VAV2: variants seen among roughly 807,000 people sequenced by gnomAD.
VAV2 encodes the protein guanine nucleotide exchange factor VAV2.
Under a neutral mutation model 132.5 loss-of-function variants are expected in VAV2, and 67 were observed. The ratio of observed to expected loss-of-function variants is 0.51; its 90% CI spans 0.42 to 0.62. The LOEUF (loss-of-function observed/expected upper bound fraction) is 0.62, where lower values mean the gene tolerates loss of function less well. Ranked by LOEUF, VAV2 falls within the 20% of genes least tolerant of loss-of-function variation. The pLI, the probability that VAV2 is intolerant of heterozygous loss-of-function variation, is 0.00. For missense variants in VAV2, 938 were observed against 1,153.6 expected, an observed-to-expected ratio of 0.81 and a Z score of 2.71; for synonymous variants, 492 against 443.5, an observed-to-expected ratio of 1.11 and a Z score of -1.37.
At chr9:133,784,165 G>T in intron 18 of VAV2, 152 bp downstream of exon 18, 1 of 804,542 alleles carries the variant, frequency 1.2e-6, no homozygotes, top group Non-Finnish European at 2.0e-6. Flanking sequence ...GAGCCACCAT[G>T]CCTGGCACGG....
At position 133,992,252 on chromosome 9, in the gene VAV2, G is replaced by A; in HGVS notation, c.27C>T (p.Arg9=). MEQWRQCG[R]WLIDCKVLPP... ...GCAGGACCTTGCAATCGATGAGCCA[G>A]CGGCCGCACTGCCGCCACTGCTCCA... Residue 9 remains arginine (R), a synonymous_variant, in exon 1 of 30, where the codon CGC becomes CGT. Transcript: ENST00000371850. The surrounding 1 kb of genome is among the most constrained non-coding windows in gnomAD (Gnocchi z 5.5). The A allele has an allele frequency of 6.4e-7, 1 of 1,574,616 alleles. No homozygotes were observed. The highest frequency in any genetic ancestry group is 1.8e-5 in the Admixed American group (1 of 56,188).
chr9:133,802,696 C>A lies in VAV2; in HGVS notation c.836+3385G>T, dbSNP rs72762838. Reference sequence around the variant, plus strand: ...CAAATTCTGAACCCACCACACGGTGCACAAATGCCTCCTCCAGAGATGCCT... The same window carrying A: ...CAAATTCTGAACCCACCACACGGTGAACAAATGCCTCCTCCAGAGATGCCT... On this transcript the variant is annotated intron_variant, in intron 9 of 29. Coordinates refer to ENST00000371850, the MANE Select transcript of VAV2 (RefSeq NM_001134398.2). The surrounding 1 kb of genome is among the most constrained non-coding windows in gnomAD (Gnocchi z 5.8). 0.011 allele frequency among the ~76,000 whole-genome samples: 1,637 copies of A among 152,288 alleles called. 12 individuals carry two copies. Among genetic ancestry groups the A allele is most frequent in the Middle Eastern group, 0.041 (12 of 294 alleles).
chr9:133,783,309 C>T (rs527460168), intron 19 of VAV2, among the ~76,000 whole-genome samples, 194 bp downstream of exon 19: 14 of 152,108 alleles, frequency 9.2e-5, no homozygotes, highest in Non-Finnish European at 1.3e-4. Flanking sequence ...GAATTCATCC[C>T]GGCTGTGTCT....
At position 133,833,077 on chromosome 9, in the gene VAV2, C is replaced by A. The variant is rs1836325112; in HGVS notation, c.449+1195G>T. Among the ~76,000 whole-genome samples the A allele has an allele frequency of 6.6e-6, 1 of 152,168 alleles. No individual in the cohort carries two copies. The highest frequency in any genetic ancestry group is 2.4e-5 in the African/African-American group (1 of 41,442). On this transcript the variant is annotated intron_variant, in intron 4 of 29. Coordinates refer to ENST00000371850, the MANE Select transcript of VAV2 (RefSeq NM_001134398.2). The surrounding 1 kb of genome is among the most constrained non-coding windows in gnomAD (Gnocchi z 5.6). ...ATTTGCCAAGGACCCCGTGGCCAGCCCAGCATCAAAGGGATGGGCTGGTGG... is the reference window on the plus strand; with the variant it reads ...ATTTGCCAAGGACCCCGTGGCCAGCACAGCATCAAAGGGATGGGCTGGTGG...
chr9:133,804,803 C>A lies in VAV2; in HGVS notation c.836+1278G>T, dbSNP rs1835070418. Among the ~76,000 whole-genome samples the A allele has an allele frequency of 6.6e-6, 1 of 152,178 alleles. No individual in the cohort carries two copies. The highest frequency in any genetic ancestry group is 2.1e-4 in the South Asian group (1 of 4,830). On this transcript the variant is annotated intron_variant, in intron 9 of 29. Coordinates refer to ENST00000371850, the MANE Select transcript of VAV2 (RefSeq NM_001134398.2). This position sits in a 1 kb window ranked among gnomAD's most constrained non-coding sequence, Gnocchi z 4.5. Reference sequence around the variant, plus strand: ...AGGGCAGGTTAGGGAGCTGTCCTCCCCCGATCCCTGCCCACTCTTAACCCT... The same window carrying A: ...AGGGCAGGTTAGGGAGCTGTCCTCCACCGATCCCTGCCCACTCTTAACCCT...
chr9:133,937,424 C>CTGTA (rs1840954357), intron 2 of VAV2, among the ~76,000 whole-genome samples: 1 of 149,488 alleles, frequency 6.7e-6, no homozygotes, highest in South Asian at 2.1e-4. Context: ...GACTGTATGT[C>CTGTA]TGTGTGTGTG....
rs557395548 is a variant in VAV2, at chr9:133,902,416, G to C, written c.321+36687C>G. On this transcript the variant is annotated intron_variant, in intron 2 of 29. Transcript: ENST00000371850. ...CCACATCCCCAGATTTGCGGAGCCT[G>C]AAATGCGGCCAGCACTGGAAGCGGG... 4.6e-5 allele frequency among the ~76,000 whole-genome samples: 7 copies of C among 152,328 alleles called. No individual in the cohort carries two copies. The South Asian group carries it at 1.4e-3, about 32-fold the overall frequency.
At chr9:133,915,910 GCACA>G (rs941244842) in intron 2 of VAV2, among the ~76,000 whole-genome samples, 1 of 145,754 alleles carries the variant, frequency 6.9e-6, no homozygotes, top group Non-Finnish European at 1.5e-5. Flanking sequence ...ATGCACACGT[GCACA>G]CACAATGCAC....
At chr9:133,822,550 C>A (rs1588225342) in intron 4 of VAV2, among the ~76,000 whole-genome samples, 1 of 152,170 alleles carries the variant, frequency 6.6e-6, no homozygotes, top group African/African-American at 2.4e-5. Flanking sequence ...CCCTGGCAGA[C>A]CCTCACCACG....
intron 1 of VAV2, among the ~76,000 whole-genome samples, chr9:133,940,247 C>G (rs1341121762): frequency 6.6e-6 from 1 of 152,166 alleles, no homozygotes; most frequent in African/African-American, 2.4e-5. Context: ...CATCAGCCCC[C>G]CAATCCAGCT....
At chr9:133,888,109 C>T (rs932153967) in intron 2 of VAV2, among the ~76,000 whole-genome samples, 1 of 152,162 alleles carries the variant, frequency 6.6e-6, no homozygotes, top group Non-Finnish European at 1.5e-5. Context: ...CACGGGACTC[C>T]CTACAGGAGG....
rs764747022 is a variant in VAV2 at position 133,774,960 on chromosome 9, C to T, written c.2110G>A (p.Ala704Thr). The T allele has an allele frequency of 1.2e-6, 2 of 1,613,306 alleles. No individual in the cohort carries two copies. Among genetic ancestry groups the T allele is most frequent in the East Asian group, 2.2e-5 (1 of 44,860 alleles). The change falls in exon 25 of 30, where the codon GCT becomes ACT. Residue 704 changes from alanine (A) to threonine (T), a missense_variant. Transcript: ENST00000371850. ...TTGATGCTTATTGCAAAGCGCTCAG[C>T]CTCGGCAGGCCGCTCCCTGATCAGG... is the stretch of plus-strand genomic sequence containing the variant. Reference protein sequence around the residue: ...TYLIRERPAEAERFAISIKFN... With the variant: ...TYLIRERPAETERFAISIKFN...
Position 133,769,648 on chromosome 9 carries a change from G to A in VAV2, c.2348-145C>T. ...TACAGGGGGGCAAAGGAGGCAGGGG[G>A]CAGCACGGGTTGTCAAGCCCCACCC... On this transcript the variant is annotated intron_variant, in intron 27 of 29. Coordinates refer to ENST00000371850, the MANE Select transcript of VAV2 (RefSeq NM_001134398.2). The surrounding 1 kb of genome is among the most constrained non-coding windows in gnomAD (Gnocchi z 8.1). 2.4e-6 allele frequency: 2 copies of A among 848,416 alleles called. No individual in the cohort carries two copies. Among genetic ancestry groups the A allele is most frequent in the South Asian group, 1.8e-5 (1 of 56,506 alleles). 52.6% of individuals were successfully genotyped at this position (848,416 alleles called of 1,614,324 possible).
chr9:133,955,854 A>AG (rs1392651349), intron 1 of VAV2, among the ~76,000 whole-genome samples: 1 of 129,666 alleles, frequency 7.7e-6, no homozygotes, highest in Non-Finnish European at 1.6e-5. Context: ...CCCCAGCCCG[A>AG]GGGGAGCCCT....
At chr9:133,896,987 G>A (rs796373522) in intron 2 of VAV2, among the ~76,000 whole-genome samples, 19 of 151,232 alleles carry the variant, frequency 1.3e-4, no homozygotes, top group African/African-American at 3.9e-4. Flanking sequence ...CCAGCTACTC[G>A]GGAGGCTGAG....
chr9:133,929,969 A>G (rs1461229204), intron 2 of VAV2, among the ~76,000 whole-genome samples: 1 of 152,234 alleles, frequency 6.6e-6, no homozygotes, highest in Admixed American at 6.5e-5. Flanking sequence ...AACAGATAAA[A>G]GTGGAGCTAT....
chr9:133,797,934 C>G, intron 9 of VAV2, 125 bp from the exon 10 acceptor site: 1 of 772,582 alleles, frequency 1.3e-6, no homozygotes, highest in Non-Finnish European at 2.0e-6. Flanking sequence ...CCCCTGACAG[C>G]TCCCTGCACG....
chr9:133,797,920 C>G, intron 9 of VAV2, 111 bp from the exon 10 acceptor site: 1 of 898,194 alleles, frequency 1.1e-6, no homozygotes, highest in Non-Finnish European at 1.7e-6. Flanking sequence ...ACCAACAGGC[C>G]CCTCCCCTGA....
At position 133,796,459 on chromosome 9, in the gene VAV2, C is replaced by T; in HGVS notation, c.1002G>A (p.Gln334=). The change falls in exon 11 of 30, where the codon CAG becomes CAA. Residue 334 remains glutamine, a synonymous_variant. Transcript: ENST00000371850. ...KLQDLLVVPM[Q]RVLKYHLLLK... is the part of the protein sequence containing the mutation. Reference sequence around the variant, plus strand: ...AGAGCAGGTGGTATTTGAGCACCCTCTGCATGGGGACCACCAGCAGGTCTT... The same window carrying T: ...AGAGCAGGTGGTATTTGAGCACCCTTTGCATGGGGACCACCAGCAGGTCTT... The T allele has an allele frequency of 6.2e-7, 1 of 1,613,838 alleles. No homozygotes were observed. Among genetic ancestry groups the T allele is most frequent in the Non-Finnish European group, 8.5e-7 (1 of 1,179,964 alleles).
Sources: allele counts gnomAD v4.1 joint callset (sites outside exome capture counted in the v4.1 genomes callset), GRCh38; gene constraint gnomAD v4.1.1; non-coding constraint Gnocchi (gnomAD v3.1); transcripts MANE v1.5; gene names NCBI Gene and HGNC (gene_info 2026-07-23, HGNC 2026-07-21).